Variants in CAPS2 observed in about 807,000 individuals in gnomAD.
CAPS2 encodes the protein calcyphosin-2.
CAPS2 carries 98 observed loss-of-function variants against 86.5 expected under a neutral mutation model. That is an observed-to-expected ratio of 1.13 (90% CI 0.96 to 1.34). CAPS2 has a LOEUF of 1.34. CAPS2 is among the 40% of genes most tolerant of loss of function. The probability of loss-of-function intolerance (pLI) is 0.00; values close to 1 mark genes in which losing one functional copy is unlikely to be tolerated. For missense variants in CAPS2, 729 were observed against 686.8 expected (o/e 1.06, Z -0.69); for synonymous variants, 210 against 225.1 (o/e 0.93, Z 0.60).
rs983765321 is a variant in CAPS2, at chr12:75,323,189, G to A, written c.165C>T (p.Asp55=). 2.6e-6 allele frequency: 4 copies of A among 1,542,652 alleles called. No individual in the cohort carries two copies. The African/African-American group carries it at 5.5e-5, about 21-fold the overall frequency. The change falls in exon 3 of 17, where the codon GAC becomes GAT. Residue 55 remains aspartate, a synonymous_variant. Transcript: ENST00000393284. ...AAATAAAAATTACCTCATCATCAGA[G>A]TCAACAAGGCTTCCCAAATCAAGTC...
rs752435111 is a variant in CAPS2 at position 75,318,328 on chromosome 12, C to T, written c.469-1894G>A. 8.5e-5 allele frequency among the ~76,000 whole-genome samples: 13 copies of T among 152,108 alleles called. 1 individual carries two copies. The highest frequency in any genetic ancestry group is 1.9e-4 in the Non-Finnish European group (13 of 68,006). ...TTTGCCTGGATTATTGTGACAGTCTCCTCAAAGGTCTTCCTGCTTTTATCT... is the reference window on the plus strand; with the variant it reads ...TTTGCCTGGATTATTGTGACAGTCTTCTCAAAGGTCTTCCTGCTTTTATCT... On this transcript the variant is annotated intron_variant, in intron 5 of 16. Coordinates refer to ENST00000393284, the Ensembl canonical transcript of CAPS2.
At chr12:75,386,636 T>C (rs1445196362) in intron 1 of CAPS2, among the ~76,000 whole-genome samples, 1 of 152,194 alleles carries the variant, frequency 6.6e-6, no homozygotes, top group Non-Finnish European at 1.5e-5. Context: ...TTTTCCAGCA[T>C]ATGAATTTAG....
intron 1 of CAPS2, among the ~76,000 whole-genome samples, chr12:75,367,954 TA>T (rs1055238636): frequency 2.0e-5 from 3 of 152,160 alleles, no homozygotes; most frequent in African/African-American, 7.2e-5. Flanking sequence ...AGCCAGGTTA[TA>T]AAAGTTTTCT....
At chr12:75,304,201 A>G (rs939668816) in intron 8 of CAPS2, among the ~76,000 whole-genome samples, 1 of 152,230 alleles carries the variant, frequency 6.6e-6, no homozygotes, top group Non-Finnish European at 1.5e-5. Context: ...AAAAAAAGAT[A>G]AGAAAGTACT....
At chr12:75,348,440 GC>G (rs2042594710) in intron 1 of CAPS2, among the ~76,000 whole-genome samples, 1 of 152,134 alleles carries the variant, frequency 6.6e-6, no homozygotes, top group African/African-American at 2.4e-5. Flanking sequence ...TCACTTGGAA[GC>G]AAAAACAAGA....
chr12:75,320,250 C>T (rs966216065), intron 5 of CAPS2, among the ~76,000 whole-genome samples: 3 of 152,004 alleles, frequency 2.0e-5, no homozygotes, highest in Non-Finnish European at 4.4e-5. Flanking sequence ...TTTGAATTTG[C>T]ATTCAAGGAA....
intron 1 of CAPS2, among the ~76,000 whole-genome samples, chr12:75,361,719 A>G (rs1449368859): frequency 6.6e-6 from 1 of 152,162 alleles, no homozygotes; most frequent in African/African-American, 2.4e-5. Context: ...ACACTTTTGA[A>G]ACCATCAGAT....
chr12:75,361,699 G>A lies in CAPS2; in HGVS notation c.-395+29139C>T, dbSNP rs546074693. On this transcript the variant is annotated intron_variant, in intron 1 of 5. Transcript: ENST00000551829. ...AGCAGGAGAGATAAGAGAGAAGGAG[G>A]AACTTCTAAACACTTTTGAAACCAT... 7.6e-4 allele frequency among the ~76,000 whole-genome samples: 115 copies of A among 152,216 alleles called. 1 individual carries two copies. The highest frequency in any genetic ancestry group is 2.6e-3 in the African/African-American group (108 of 41,542).
In CAPS2 at chr12:75,352,369, C is replaced by A. The variant is rs541818344; in HGVS notation, c.-394-29147G>T. Among the ~76,000 whole-genome samples, 9 of 152,232 alleles carry A rather than the reference C, an allele frequency of 5.9e-5. No homozygotes were observed. In the East Asian group the frequency reaches 1.7e-3, roughly 29 times the overall value. On this transcript the variant is annotated intron_variant, in intron 1 of 5. Coordinates refer to the CAPS2 transcript ENST00000551829. ...GTTGAAATCCTAGTTTCTGATAAAA[C>A]AAACTTTAAACCAACAAAGATCAAA...
chr12:75,295,289 G>C (rs944333648), intron 11 of CAPS2: 10 of 152,010 alleles, frequency 6.6e-5, no homozygotes, highest in African/African-American at 2.2e-4. Context: ...GTTTTTTCCT[G>C]GTGGGCAAAT....
intron 4 of CAPS2, chr12:75,322,788 C>A: frequency 1.9e-6 from 1 of 514,776 alleles, no homozygotes. Context: ...TTACCAATTT[C>A]ATTTAAAAAT....
At chr12:75,334,862 G>C, upstream of CAPS2, 2 of 1,614,120 alleles carry the variant, frequency 1.2e-6, no homozygotes, top group South Asian at 1.1e-5. Flanking sequence ...AACGAATGGC[G>C]TGGCAAAGTC....
At chr12:75,305,664 C>T in intron 7 of CAPS2, 1 of 647,012 alleles carries the variant, frequency 1.5e-6, no homozygotes, top group South Asian at 1.4e-5. Context: ...CACCAGGCCC[C>T]TAGCACTGCC....
intron 1 of CAPS2, among the ~76,000 whole-genome samples, chr12:75,342,104 C>T (rs1379860213): frequency 1.3e-5 from 2 of 152,070 alleles, no homozygotes; most frequent in African/African-American, 4.8e-5. Context: ...GATTGGTGAT[C>T]GCCAGGGGTT....
At chr12:75,380,989 A>G (rs961979006) in intron 1 of CAPS2, among the ~76,000 whole-genome samples, 2 of 152,176 alleles carry the variant, frequency 1.3e-5, no homozygotes, top group African/African-American at 2.4e-5. Flanking sequence ...TTTAATATAA[A>G]TAGTCTCGGA....
chr12:75,344,645 T>C (rs547449930), intron 1 of CAPS2, among the ~76,000 whole-genome samples: 1 of 152,144 alleles, frequency 6.6e-6, no homozygotes, highest in African/African-American at 2.4e-5. Context: ...AATCGAATTT[T>C]CTTCCATCAT....
chr12:75,337,351 T>TAA (rs35917340), intron 1 of CAPS2, among the ~76,000 whole-genome samples: 3 of 151,440 alleles, frequency 2.0e-5, no homozygotes, highest in African/African-American at 7.2e-5. Flanking sequence ...AAACCAGTAG[T>TAA]AAAAAAAAGA....
At chr12:75,389,230 CTGTT>C (rs2045448854) in intron 1 of CAPS2, among the ~76,000 whole-genome samples, 2 of 152,276 alleles carry the variant, frequency 1.3e-5, no homozygotes, top group African/African-American at 2.4e-5. Flanking sequence ...TGTATTGTAA[CTGTT>C]TGATGATTCA....
At chr12:75,330,657 T>TA (rs1279778350), upstream of CAPS2, among the ~76,000 whole-genome samples, 8 of 152,196 alleles carry the variant, frequency 5.3e-5, no homozygotes, top group Admixed American at 5.2e-4. Context: ...ACTATGTACA[T>TA]ATAGATGATT....
Sources: gnomAD v4.1 joint callset for allele counts (sites outside exome capture counted in the v4.1 genomes callset) on GRCh38, gnomAD v4.1.1 for gene constraint, MANE v1.5 for transcripts, NCBI Gene and HGNC (gene_info 2026-07-23, HGNC 2026-07-21) for gene names.